Variants in NRXN2 observed in about 807,000 individuals in gnomAD.
The protein encoded by NRXN2 is neurexin 2.
Under a neutral mutation model 128.8 loss-of-function variants are expected in NRXN2, and 29 were observed. That is an observed-to-expected ratio of 0.23 (90% CI 0.17 to 0.31). The LOEUF (loss-of-function observed/expected upper bound fraction) is 0.31. NRXN2 is among the 10% of genes least tolerant of loss of function. The pLI, the probability that NRXN2 is intolerant of heterozygous loss-of-function variation, is 1.00. For synonymous variants in NRXN2, 1,098 were observed against 1,075.2 expected (o/e 1.02, Z -0.41); for missense variants, 1,881 against 2,452.6 (o/e 0.77, Z 4.92).
chr11:64,617,251 T>C (rs1294095584), intron 22 of NRXN2, among the ~76,000 whole-genome samples: 1 of 152,074 alleles, frequency 6.6e-6, no homozygotes, highest in Non-Finnish European at 1.5e-5. Context: ...GGGCTGTATG[T>C]GTGCATGCCT....
rs1306430969 is a variant in NRXN2, at chr11:64,648,134, G to A, written c.3403+85C>T. ...GCAGCACAGCTCCTGAATGCTCAGA[G>A]GCCCTGTTTCCTCCCTGGCAGCCCC... On this transcript the variant is annotated intron_variant, in intron 17 of 22. Transcript: ENST00000265459. This position sits in a 1 kb window ranked among gnomAD's most constrained non-coding sequence, Gnocchi z 4.1. The A allele has an allele frequency of 1.3e-6, 2 of 1,577,490 alleles. No homozygotes were observed. The highest frequency in any genetic ancestry group is 2.7e-5 in the African/African-American group (2 of 74,258).
In NRXN2 at chr11:64,632,284, C is replaced by G. The variant is rs772863247; in HGVS notation, c.3586-1711G>C. ...ATATGCATGCATGCACGCTAACACA[C>G]AGATGCATGCACACAGTCATACATG... On this transcript the variant is annotated intron_variant, in intron 18 of 22. Coordinates refer to ENST00000265459, the MANE Select transcript of NRXN2 (RefSeq NM_015080.4). The surrounding 1 kb of genome is among the most constrained non-coding windows in gnomAD (Gnocchi z 4.2). Among the ~76,000 whole-genome samples, 7 of 152,210 alleles carry G rather than the reference C, an allele frequency of 4.6e-5. No individual in the cohort carries two copies. The highest frequency in any genetic ancestry group is 1.4e-4 in the African/African-American group (6 of 41,458).
At chr11:64,643,897 A>G (rs746547010) in intron 17 of NRXN2, among the ~76,000 whole-genome samples, 4 of 129,748 alleles carry the variant, frequency 3.1e-5, no homozygotes, top group South Asian at 2.8e-4. Context: ...ATGAACCCCA[A>G]TAATGCTCTC....
In NRXN2 at chr11:64,664,401, C is replaced by A. The variant is rs555487548; in HGVS notation, c.1798+2849G>T. 2.0e-5 allele frequency among the ~76,000 whole-genome samples: 3 copies of A among 151,542 alleles called. No homozygotes were observed. In the South Asian group the frequency reaches 6.3e-4, roughly 32 times the overall value. On this transcript the variant is annotated intron_variant, in intron 9 of 22. Coordinates refer to ENST00000265459, the MANE Select transcript of NRXN2 (RefSeq NM_015080.4). ...GCTGAGGCAGGAAAATCACTTGAACCCAGGAGGCAGAGGTTGCAGTGAGCC... is the reference window on the plus strand; with the variant it reads ...GCTGAGGCAGGAAAATCACTTGAACACAGGAGGCAGAGGTTGCAGTGAGCC...
chr11:64,619,044 C>T (rs1366946487), intron 22 of NRXN2, among the ~76,000 whole-genome samples: 1 of 152,182 alleles, frequency 6.6e-6, no homozygotes, highest in Non-Finnish European at 1.5e-5. Context: ...CACCCTCAGC[C>T]TGAATGTCTT....
In NRXN2 at chr11:64,716,951, C is replaced by A. The variant is rs190790178; in HGVS notation, c.-244-3008G>T. Among the ~76,000 whole-genome samples the A allele has an allele frequency of 1.0e-3, 155 of 152,232 alleles. 1 individual carries two copies. Among genetic ancestry groups the A allele is most frequent in the African/African-American group, 3.6e-3 (151 of 41,526 alleles). ...CGCCTTTCCCCTCCCTGCGCCTCTC[C>A]CACCCAGGCCAAGGCTGCTGCCGAC... On this transcript the variant is annotated intron_variant, in intron 1 of 22. Coordinates refer to ENST00000265459, the MANE Select transcript of NRXN2 (RefSeq NM_015080.4).
At chr11:64,677,075 T>C in intron 6 of NRXN2, 38 bp from the exon 7 acceptor site, 1 of 1,051,784 alleles carries the variant, frequency 9.5e-7, no homozygotes, top group Non-Finnish European at 1.3e-6. Context: ...AGGAGGGGGG[T>C]GTCAAAAAAC....
intron 22 of NRXN2, among the ~76,000 whole-genome samples, chr11:64,615,175 T>C (rs2041282791): frequency 6.6e-6 from 1 of 152,194 alleles, no homozygotes; most frequent in African/African-American, 2.4e-5. Flanking sequence ...CCATAAAATC[T>C]TCCACTTCAC....
chr11:64,715,414 G>T (rs1376445128), intron 1 of NRXN2, among the ~76,000 whole-genome samples: 2 of 152,148 alleles, frequency 1.3e-5, no homozygotes, highest in African/African-American at 4.8e-5. Flanking sequence ...GCTCAGTGAG[G>T]TGAGAACCAG....
At chr11:64,692,949 C>T in intron 3 of NRXN2, 73 bp from the exon 4 acceptor site, 3 of 1,299,636 alleles carry the variant, frequency 2.3e-6, no homozygotes, top group South Asian at 1.3e-5. Flanking sequence ...GGGAAAGAAA[C>T]AAAGAAAACA....
At chr11:64,609,342 C>G (rs894062812) in intron 22 of NRXN2, among the ~76,000 whole-genome samples, 11 of 151,740 alleles carry the variant, frequency 7.2e-5, no homozygotes, top group Non-Finnish European at 1.6e-4. Context: ...AAAACAATAA[C>G]AAAACAACGG....
At chr11:64,698,509 A>G (rs533293078) in intron 2 of NRXN2, among the ~76,000 whole-genome samples, 4 of 152,146 alleles carry the variant, frequency 2.6e-5, no homozygotes, top group Non-Finnish European at 5.9e-5. Flanking sequence ...GGTGGACTGG[A>G]TAGTTTCTGA....
intron 2 of NRXN2, among the ~76,000 whole-genome samples, chr11:64,701,219 T>G (rs2055305592): frequency 6.6e-6 from 1 of 152,200 alleles, no homozygotes; most frequent in South Asian, 2.1e-4. Flanking sequence ...CTGAAAACTC[T>G]TCAAAGCTTT....
intron 7 of NRXN2, among the ~76,000 whole-genome samples, chr11:64,668,913 A>G (rs2050256011): frequency 6.6e-6 from 1 of 152,116 alleles, no homozygotes; most frequent in Non-Finnish European, 1.5e-5. Context: ...CCTGGAGGGC[A>G]CTCTGAACAG....
intron 9 of NRXN2, among the ~76,000 whole-genome samples, chr11:64,665,889 CAAG>C (rs1012388080): frequency 4.0e-4 from 61 of 152,216 alleles, no homozygotes; most frequent in African/African-American, 1.3e-3. Context: ...AGACAGAAAA[CAAG>C]AAGAGAATGC....
At chr11:64,680,319 G>A (rs2052034270) in intron 6 of NRXN2, among the ~76,000 whole-genome samples, 1 of 152,120 alleles carries the variant, frequency 6.6e-6, no homozygotes, top group African/African-American at 2.4e-5. Flanking sequence ...AGAAGCTCAG[G>A]ACAAAGAGAA....
Position 64,652,083 on chromosome 11 carries a change from G to A in NRXN2, c.2488C>T (p.Arg830Trp), listed in dbSNP as rs1437910242. The stretch of plus-strand genomic sequence containing the variant: ...GACAGCTGCAGGCTCTTGCCACGCC[G>A]GACCACCCTCACCGTGTGCCACTCA... ...DNEWHTVRVV[R>W]RGKSLQLSVD... is the part of the protein sequence containing the mutation. Residue 830 changes from arginine to tryptophan, a missense_variant, in exon 13 of 23, where the codon CGG becomes TGG. Physicochemically the swap from Arg to Trp is moderately radical, Grantham distance 101. Transcript: ENST00000265459. The A allele has an allele frequency of 1.2e-6, 2 of 1,613,324 alleles. No homozygotes were observed. The highest frequency in any genetic ancestry group is 1.1e-5 in the South Asian group (1 of 91,078).
At chr11:64,640,627 A>G (rs140275123) in intron 17 of NRXN2, among the ~76,000 whole-genome samples, 456 of 152,276 alleles carry the variant, frequency 3.0e-3, no homozygotes, top group Non-Finnish European at 5.1e-3. Flanking sequence ...AGAGAAGGAA[A>G]CTGAAGAGTG....
chr11:64,625,281 T>A (rs1368980280), intron 20 of NRXN2, among the ~76,000 whole-genome samples: 1 of 151,650 alleles, frequency 6.6e-6, no homozygotes, highest in Non-Finnish European at 1.5e-5. Flanking sequence ...AAGAGGGAGG[T>A]GGGTAATGAA....
Sources: allele counts gnomAD v4.1 joint callset (sites outside exome capture counted in the v4.1 genomes callset), GRCh38; gene constraint gnomAD v4.1.1; non-coding constraint Gnocchi (gnomAD v3.1); transcripts MANE v1.5; gene names NCBI Gene and HGNC (gene_info 2026-07-23, HGNC 2026-07-21).